Variants in GPR19 observed in about 807,000 individuals in gnomAD.
GPR19 encodes the protein G protein-coupled receptor 19, also known as probable G protein-coupled receptor 19.
Under a neutral mutation model 28.5 loss-of-function variants are expected in GPR19, and 14 were observed. That is an observed-to-expected ratio of 0.49 (90% CI 0.32 to 0.77). The LOEUF (loss-of-function observed/expected upper bound fraction) is 0.77, where lower values mean the gene tolerates loss of function less well. Among genes scored for constraint, GPR19 ranks in the 30% least tolerant of loss-of-function variants. The probability of loss-of-function intolerance (pLI) is 0.03; values close to 1 mark genes in which losing one functional copy is unlikely to be tolerated. For synonymous variants in GPR19, 173 were observed against 184.1 expected (o/e 0.94, Z 0.49); for missense variants, 409 against 504.1 (o/e 0.81, Z 1.81).
At chr12:12,679,566 G>A (rs1945987983) in intron 3 of GPR19, among the ~76,000 whole-genome samples, 1 of 150,536 alleles carries the variant, frequency 6.6e-6, no homozygotes, top group South Asian at 2.1e-4. Context: ...GTTAGCCCTA[G>A]GAGTTTGAAC....
At chr12:12,706,213 T>C in the GPR19 span, among the ~76,000 whole-genome samples, 1 of 152,238 alleles carries the variant, frequency 6.6e-6, no homozygotes, top group Non-Finnish European at 1.5e-5. Flanking sequence ...ATGGTCAGTT[T>C]TCAGTGTTTA....
chr12:12,698,208 CAAAT>C (rs1050429550), upstream of GPR19, among the ~76,000 whole-genome samples: 1 of 152,072 alleles, frequency 6.6e-6, no homozygotes, highest in African/African-American at 2.4e-5. Context: ...AGTAAGTTGT[CAAAT>C]AAAACATTTT....
intron 3 of GPR19, among the ~76,000 whole-genome samples, chr12:12,679,281 C>T (rs1267645602): frequency 1.3e-5 from 2 of 151,804 alleles, no homozygotes; most frequent in East Asian, 3.9e-4. Context: ...AGGTGGAAGC[C>T]AAGGATGCTG....
At position 12,661,667 on chromosome 12, in the gene GPR19, C is replaced by T. The variant is rs746421566; in HGVS notation, c.782G>A (p.Arg261Lys). Reference protein sequence around the residue: ...WRIGTDGRTVRRTMNIVPRTK... With the variant: ...WRIGTDGRTVKRTMNIVPRTK... ...CCGAGGGACAATGTTCATTGTCCTC[C>T]TCACCGTTCGGCCATCTGTGCCTAT... Residue 261 changes from arginine (R) to lysine (K), a missense_variant, in exon 4 of 4, where the codon AGG (arginine) becomes AAG (lysine). Coordinates refer to ENST00000651487, the MANE Select transcript of GPR19 (RefSeq NM_006143.3). The surrounding 1 kb of genome is among the most constrained non-coding windows in gnomAD (Gnocchi z 4.2). 9 of 1,613,912 alleles carry T rather than the reference C, an allele frequency of 5.6e-6. No individual in the cohort carries two copies. The Admixed American group carries it at 1.0e-4, about 18-fold the overall frequency.
At chr12:12,708,331 T>C in the GPR19 span, among the ~76,000 whole-genome samples, 1 of 152,120 alleles carries the variant, frequency 6.6e-6, no homozygotes, top group Non-Finnish European at 1.5e-5. Flanking sequence ...AAATGAAAAT[T>C]TTCATCTAAG....
intron 3 of GPR19, among the ~76,000 whole-genome samples, chr12:12,664,176 G>C (rs1945724087): frequency 6.6e-6 from 1 of 152,028 alleles, no homozygotes; most frequent in African/African-American, 2.4e-5. Context: ...TTTTAGTAGA[G>C]ACCGGGTTTC....
intron 2 of GPR19, chr12:12,685,158 C>T (rs1946075265): frequency 6.6e-6 from 1 of 152,120 alleles, no homozygotes; most frequent in Non-Finnish European, 1.5e-5. Context: ...TTACTGTTAC[C>T]TTATAAACAC....
chr12:12,664,501 A>T (rs1437210739), intron 3 of GPR19, among the ~76,000 whole-genome samples: 2 of 151,230 alleles, frequency 1.3e-5, no homozygotes, highest in African/African-American at 2.4e-5. Context: ...TTTAAAAATT[A>T]AAAAAAAAGT....
chr12:12,709,145 A>G, the GPR19 span, among the ~76,000 whole-genome samples: 2 of 152,108 alleles, frequency 1.3e-5, no homozygotes, highest in East Asian at 1.9e-4. Flanking sequence ...AAAGGGGGGG[A>G]AATTACTTTA....
At chr12:12,671,641 GCTT>G (rs1160774801) in intron 3 of GPR19, among the ~76,000 whole-genome samples, 2 of 152,070 alleles carry the variant, frequency 1.3e-5, no homozygotes, top group Non-Finnish European at 2.9e-5. Flanking sequence ...TTTCAAAACA[GCTT>G]CTTCTAACTT....
chr12:12,690,932 T>A (rs1015049352), intron 2 of GPR19, among the ~76,000 whole-genome samples: 1 of 152,322 alleles, frequency 6.6e-6, no homozygotes, highest in African/African-American at 2.4e-5. Flanking sequence ...AGCTTTCCAA[T>A]CAACCAAATT....
intron 2 of GPR19, among the ~76,000 whole-genome samples, chr12:12,685,435 A>T (rs1286326917): frequency 2.0e-5 from 3 of 152,228 alleles, no homozygotes; most frequent in East Asian, 3.9e-4. Flanking sequence ...TGAACTGGAG[A>T]GGCAGGGAGG....
chr12:12,716,844 G>T, the GPR19 span: 2 of 983,618 alleles, frequency 2.0e-6, no homozygotes, highest in African/African-American at 1.7e-5. Context: ...CGGCGGGGGG[G>T]CGCCCAGCCC....
intron 2 of GPR19, among the ~76,000 whole-genome samples, chr12:12,694,120 G>C (rs1390943786): frequency 6.7e-6 from 1 of 149,470 alleles, no homozygotes; most frequent in Non-Finnish European, 1.5e-5. Flanking sequence ...ATAGAGAAAA[G>C]CCAGGGCATT....
intron 3 of GPR19, among the ~76,000 whole-genome samples, chr12:12,664,470 CT>C (rs1945729587): frequency 5.9e-5 from 9 of 151,868 alleles, no homozygotes; most frequent in Admixed American, 5.9e-4. Context: ...CTTAAGAAAG[CT>C]TAAGTAAGAT....
chr12:12,674,120 G>A (rs575143851), intron 3 of GPR19, among the ~76,000 whole-genome samples: 1 of 150,402 alleles, frequency 6.6e-6, no homozygotes, highest in Non-Finnish European at 1.5e-5. Flanking sequence ...GCTGAGGCAG[G>A]AGAATCACTT....
upstream of GPR19, chr12:12,696,339 C>CTTTTTTTTTTTTTTTTT (rs578240364): frequency 2.3e-5 from 2 of 88,686 alleles, 1 homozygote; most frequent in East Asian, 6.8e-4. Context: ...CCCACCCGCC[C>CTTTTTTTTTTTTTTTTT]TTTTTTTTTT....
the GPR19 span, among the ~76,000 whole-genome samples, chr12:12,704,213 A>G: frequency 6.6e-6 from 1 of 152,212 alleles, no homozygotes; most frequent in African/African-American, 2.4e-5. Context: ...TTAAAACACT[A>G]TCATAAGGCC....
chr12:12,691,051 G>A lies in GPR19; in HGVS notation c.-180+4408C>T, dbSNP rs749210861. Among the ~76,000 whole-genome samples the A allele has an allele frequency of 2.6e-5, 4 of 151,440 alleles. No individual in the cohort carries two copies. The East Asian group carries it at 7.7e-4, about 29-fold the overall frequency. Reference sequence around the variant, plus strand: ...GTTGACTGTTTTTAAATAACTCTTTGGATTTTAATTGTGATGCAGAAGTTA... The same window carrying A: ...GTTGACTGTTTTTAAATAACTCTTTAGATTTTAATTGTGATGCAGAAGTTA... On this transcript the variant is annotated intron_variant, in intron 2 of 3. Coordinates refer to ENST00000651487, the MANE Select transcript of GPR19 (RefSeq NM_006143.3).
Sources: gnomAD v4.1 joint callset for allele counts (sites outside exome capture counted in the v4.1 genomes callset) on GRCh38, gnomAD v4.1.1 for gene constraint, Gnocchi (gnomAD v3.1) non-coding constraint, MANE v1.5 for transcripts, NCBI Gene and HGNC (gene_info 2026-07-23, HGNC 2026-07-21) for gene names.